PACRG: variants seen among roughly 807,000 people sequenced by gnomAD.
PACRG encodes the protein parkin coregulated.
In PACRG, 29 loss-of-function variants were observed where a neutral mutation model predicts 29.7. The observed-to-expected ratio is 0.98, with a 90% confidence interval of 0.73 to 1.33. The LOEUF (loss-of-function observed/expected upper bound fraction) is 1.33, where lower values mean the gene tolerates loss of function less well. Among genes scored for constraint, PACRG ranks in the 40% most tolerant of loss-of-function variants. The probability of loss-of-function intolerance (pLI) is 0.00; values close to 1 mark genes in which losing one functional copy is unlikely to be tolerated. For missense variants in PACRG, 279 were observed against 316.2 expected (o/e 0.88, Z 0.89); for synonymous variants, 116 against 118.7 (o/e 0.98, Z 0.15).
At chr6:162,805,787 G>T (rs185344348) in intron 1 of PACRG, among the ~76,000 whole-genome samples, 2 of 152,278 alleles carry the variant, frequency 1.3e-5, no homozygotes, top group Admixed American at 6.5e-5. Flanking sequence ...ATAAGAAGCA[G>T]CTCCTCATTA....
intron 2 of PACRG, among the ~76,000 whole-genome samples, chr6:162,967,387 A>T (rs1436122230): frequency 6.6e-6 from 1 of 152,168 alleles, no homozygotes; most frequent in Non-Finnish European, 1.5e-5. Flanking sequence ...TGTCTACCTA[A>T]TTTCATAAGG....
chr6:163,183,798 G>A (rs1302870449), intron 4 of PACRG, among the ~76,000 whole-genome samples: 1 of 152,160 alleles, frequency 6.6e-6, no homozygotes, highest in African/African-American at 2.4e-5. Context: ...GAAAACGCAG[G>A]CCAATGATAA....
At chr6:162,919,546 A>C (rs1796923000) in intron 2 of PACRG, among the ~76,000 whole-genome samples, 1 of 152,206 alleles carries the variant, frequency 6.6e-6, no homozygotes, top group Non-Finnish European at 1.5e-5. Flanking sequence ...CAATTATTAG[A>C]GGCAAGTAGC....
intron 3 of PACRG, among the ~76,000 whole-genome samples, chr6:163,077,942 G>C (rs1001690866): frequency 6.6e-6 from 1 of 152,104 alleles, no homozygotes; most frequent in Non-Finnish European, 1.5e-5. Flanking sequence ...GGACAGCTTA[G>C]CTGTCCCTGC....
chr6:162,998,541 G>A (rs1804292578), intron 2 of PACRG, among the ~76,000 whole-genome samples: 1 of 152,214 alleles, frequency 6.6e-6, no homozygotes, highest in Non-Finnish European at 1.5e-5. Context: ...GTTGATGAAC[G>A]TAGAAGTCTT....
At chr6:163,011,562 A>G (rs914277876) in intron 2 of PACRG, among the ~76,000 whole-genome samples, 2 of 152,162 alleles carry the variant, frequency 1.3e-5, no homozygotes, top group African/African-American at 2.4e-5. Flanking sequence ...ATCACTGTAC[A>G]CTACCAGGGA....
intron 2 of PACRG, among the ~76,000 whole-genome samples, chr6:162,859,259 A>G (rs1469447112): frequency 6.6e-6 from 1 of 152,204 alleles, no homozygotes; most frequent in East Asian, 1.9e-4. Flanking sequence ...AGAAATGTAC[A>G]ATGATAAAAA....
intron 2 of PACRG, among the ~76,000 whole-genome samples, chr6:162,936,367 A>G (rs886351904): frequency 7.9e-5 from 12 of 152,208 alleles, no homozygotes; most frequent in African/African-American, 2.9e-4. Flanking sequence ...CTCAAGCTCA[A>G]TTTTGTTTAT....
chr6:162,930,158 A>G (rs1797743526), intron 2 of PACRG, among the ~76,000 whole-genome samples: 1 of 151,982 alleles, frequency 6.6e-6, no homozygotes, highest in African/African-American at 2.4e-5. Flanking sequence ...TTTGATAAAG[A>G]TTGCATTGAA....
chr6:162,825,842 G>T (rs1213550037), intron 2 of PACRG, among the ~76,000 whole-genome samples: 1 of 152,110 alleles, frequency 6.6e-6, no homozygotes, highest in Admixed American at 6.6e-5. Flanking sequence ...TCCTCACTGG[G>T]CTCCTGCTCA....
intron 4 of PACRG, among the ~76,000 whole-genome samples, chr6:163,203,607 C>T (rs966300602): frequency 2.0e-5 from 3 of 152,202 alleles, no homozygotes; most frequent in African/African-American, 7.2e-5. Flanking sequence ...CAGCGCATCA[C>T]GCTGGCAGGG....
chr6:162,904,290 A>C (rs1434335848), intron 2 of PACRG, among the ~76,000 whole-genome samples: 1 of 152,272 alleles, frequency 6.6e-6, no homozygotes, highest in Non-Finnish European at 1.5e-5. Context: ...GCGCAGCCAC[A>C]GCAACAAATA....
chr6:162,844,273 G>A (rs1386973132), intron 2 of PACRG, among the ~76,000 whole-genome samples: 4 of 151,076 alleles, frequency 2.6e-5, no homozygotes, highest in South Asian at 2.1e-4. Flanking sequence ...AGGACCCTCC[G>A]AGCCAGGTGC....
At position 163,272,193 on chromosome 6, in the gene PACRG, C is replaced by T. The variant is rs376910007; in HGVS notation, c.614-42634C>T. Among the ~76,000 whole-genome samples the T allele has an allele frequency of 3.9e-5, 6 of 152,256 alleles. No homozygotes were observed. In the East Asian group the frequency reaches 9.7e-4, roughly 25 times the overall value. ...AGCTGGGACTACAGGCATGCGCCAC[C>T]ATGCCCAGCTAATTTTTGTATTTTT... On this transcript the variant is annotated intron_variant, in intron 4 of 4. Coordinates refer to ENST00000366888, the MANE Select transcript of PACRG (RefSeq NM_001080379.2).
At chr6:163,081,216 T>C (rs1429538784) in intron 3 of PACRG, among the ~76,000 whole-genome samples, 1 of 152,172 alleles carries the variant, frequency 6.6e-6, no homozygotes, top group Admixed American at 6.5e-5. Flanking sequence ...ACTAACGCTA[T>C]AATGGGCCCA....
At chr6:162,796,443 T>A (rs1345425342) in intron 1 of PACRG, among the ~76,000 whole-genome samples, 2 of 152,192 alleles carry the variant, frequency 1.3e-5, no homozygotes, top group African/African-American at 4.8e-5. Context: ...CATGTGTATT[T>A]GAAAGAGTAT....
At chr6:162,755,882 CTTTT>C (rs1166539154) in intron 1 of PACRG, among the ~76,000 whole-genome samples, 2 of 151,572 alleles carry the variant, frequency 1.3e-5, no homozygotes, top group Non-Finnish European at 2.9e-5. Flanking sequence ...TTTTAATTTC[CTTTT>C]TTTATTTCTT....
intron 4 of PACRG, among the ~76,000 whole-genome samples, chr6:163,266,287 G>A (rs987884911): frequency 2.0e-5 from 3 of 152,156 alleles, no homozygotes; most frequent in African/African-American, 7.2e-5. Context: ...CTATAGGTAA[G>A]TAATACCGGT....
chr6:162,972,735 A>G (rs1283133778), intron 2 of PACRG, among the ~76,000 whole-genome samples: 1 of 152,148 alleles, frequency 6.6e-6, no homozygotes, highest in African/African-American at 2.4e-5. Flanking sequence ...GCTGCCTTTC[A>G]ATGGATTTTA....
Sources: allele counts gnomAD v4.1 joint callset (sites outside exome capture counted in the v4.1 genomes callset), GRCh38; gene constraint gnomAD v4.1.1; transcripts MANE v1.5; gene names NCBI Gene and HGNC (gene_info 2026-07-23, HGNC 2026-07-21).